OXER1: variants seen among roughly 807,000 people sequenced by gnomAD.
The protein encoded by OXER1 is 5-oxo-ETE G-protein coupled receptor.
For missense variants in OXER1, 587 were observed against 551.7 expected (o/e 1.06, Z -0.64); for synonymous variants, 258 against 245.8 (o/e 1.05, Z -0.47).
At position 42,763,586 on chromosome 2, in the gene OXER1, G is replaced by T. The variant is rs1186244807; in HGVS notation, c.594C>A (p.His198Gln). The stretch of plus-strand genomic sequence containing the variant: ...CCACGGAAGCACGGCTCAGCACGTG[G>T]TGGGGCTGCACCACCTTCAGGTAGC... Residue 198 changes from histidine to glutamine, a missense_variant, in exon 1 of 1, where the codon CAC becomes CAA. Physicochemically the swap from His to Gln is conservative, Grantham distance 24. Coordinates refer to ENST00000378661, the Ensembl canonical transcript of OXER1. The surrounding 1 kb of genome is among the most constrained non-coding windows in gnomAD (Gnocchi z 4.4). The T allele has an allele frequency of 8.1e-6, 13 of 1,600,390 alleles. No homozygotes were observed. The African/African-American group carries it at 1.2e-4, about 15-fold the overall frequency.
At chr2:42,764,112 C>T in exon 1 of OXER1, 1 of 1,614,084 alleles carries the variant, frequency 6.2e-7, no homozygotes. Context: ...TCTTCTACCC[C>T]TGCAGGAGTG....
At chr2:42,762,624 C>T in exon 1 of OXER1, 1 of 460,744 alleles carries the variant, frequency 2.2e-6, no homozygotes, top group East Asian at 3.6e-5. Context: ...TGCAGCTGCG[C>T]AGGCCCCTGT....
chr2:42,762,877 C>A, exon 1 of OXER1: 1 of 1,582,008 alleles, frequency 6.3e-7, no homozygotes, highest in Non-Finnish European at 8.6e-7. Flanking sequence ...CAGCCCTTAC[C>A]CCCACAGCGC....
At chr2:42,762,658 C>T in exon 1 of OXER1, 1 of 517,578 alleles carries the variant, frequency 1.9e-6, no homozygotes, top group South Asian at 2.8e-5. Flanking sequence ...CCAACGGCAC[C>T]TTGCCTGTCT....
chr2:42,763,323 C>A lies in OXER1; in HGVS notation c.857G>T (p.Gly286Val). The A allele has an allele frequency of 1.2e-6, 2 of 1,612,982 alleles. No homozygotes were observed. Among genetic ancestry groups the A allele is most frequent in the Non-Finnish European group, 1.7e-6 (2 of 1,179,848 alleles). The change falls in exon 1 of 1, where the codon GGG becomes GTG. Residue 286 changes from glycine (G) to valine (V), a missense_variant. By Grantham distance (109) the Gly-to-Val change is moderately radical. Coordinates refer to ENST00000378661, the Ensembl canonical transcript of OXER1. This position sits in a 1 kb window ranked among gnomAD's most constrained non-coding sequence, Gnocchi z 4.4. Reference sequence around the variant, plus strand: ...CATGGCCCTCTGCGGGCCTGCCTGCCCGCCCAGACCACGGTTCCGGATGGT... The same window carrying A: ...CATGGCCCTCTGCGGGCCTGCCTGCACGCCCAGACCACGGTTCCGGATGGT...
rs779690889 is a variant in OXER1 at position 42,763,018 on chromosome 2, G to A, written c.1162C>T (p.Pro388Ser). The change falls in exon 1 of 1, where the codon CCC (proline) becomes TCC (serine). Residue 388 changes from proline to serine, a missense_variant. Coordinates refer to ENST00000378661, the Ensembl canonical transcript of OXER1. The surrounding 1 kb of genome is among the most constrained non-coding windows in gnomAD (Gnocchi z 4.4). ...TCCCGGTAGCGCCACTGCCTGGAGG[G>A]TTGGTAGGAGCTCTCGTCGCTCACT... The A allele has an allele frequency of 1.9e-6, 3 of 1,614,064 alleles. No homozygotes were observed. In the South Asian group the frequency reaches 3.3e-5, roughly 18 times the overall value.
chr2:42,763,309 G>A, the OXER1 span: 2 of 1,612,990 alleles, frequency 1.2e-6, no homozygotes, highest in Non-Finnish European at 1.7e-6. This position sits in a 1 kb window ranked among gnomAD's most constrained non-coding sequence, Gnocchi z 4.4. Flanking sequence ...ATGGCCCTCT[G>A]CGGGCCTGCC....
Position 42,763,358 on chromosome 2 carries a change from G to A in OXER1, c.822C>T (p.Ser274=). ...CACGGTTCCGGATGGTGAGCCCAAT[G>A]CTCACAATAGCAAAGAGGATGAGCG... is the stretch of plus-strand genomic sequence containing the variant. The change falls in exon 1 of 1, where the codon AGC becomes AGT. Residue 274 remains serine (S), a synonymous_variant. Transcript: ENST00000378661. This position sits in a 1 kb window ranked among gnomAD's most constrained non-coding sequence, Gnocchi z 4.4. The A allele has an allele frequency of 6.2e-7, 1 of 1,611,336 alleles. No individual in the cohort carries two copies. Among genetic ancestry groups the A allele is most frequent in the South Asian group, 1.1e-5 (1 of 90,650 alleles).
chr2:42,763,804 A>G lies in OXER1; in HGVS notation c.376T>C (p.Ser126Pro). Residue 126 changes from serine to proline, a missense_variant, in exon 1 of 1, where the codon TCC becomes CCC. By Grantham distance (74) the Ser-to-Pro change is moderately conservative. Coordinates refer to ENST00000378661, the Ensembl canonical transcript of OXER1. The surrounding 1 kb of genome is among the most constrained non-coding windows in gnomAD (Gnocchi z 4.4). ...AGGCTGACCAGGAACACCGTGTTGG[A>G]GGTCCAGGGCCGCGTGTGGATGCAG... 4 of 1,613,990 alleles carry G rather than the reference A, an allele frequency of 2.5e-6. No homozygotes were observed. The Admixed American group carries it at 6.7e-5, about 27-fold the overall frequency.
exon 1 of OXER1, chr2:42,762,678 G>A (rs938246211): frequency 2.4e-5 from 13 of 531,844 alleles, no homozygotes; most frequent in East Asian, 9.3e-5. Context: ...TCCTCCACCC[G>A]GCATCCTGCT....
At position 42,763,416 on chromosome 2, in the gene OXER1, G is replaced by A. The variant is rs764334898; in HGVS notation, c.764C>T (p.Ala255Val). 3.8e-6 allele frequency: 6 copies of A among 1,591,162 alleles called. No homozygotes were observed. The South Asian group carries it at 6.8e-5, about 18-fold the overall frequency. Residue 255 changes from alanine (A) to valine (V), a missense_variant, in exon 1 of 1, where the codon GCA (alanine) becomes GTA (valine). By Grantham distance (64) the Ala-to-Val change is moderately conservative. Coordinates refer to ENST00000378661, the Ensembl canonical transcript of OXER1. The surrounding 1 kb of genome is among the most constrained non-coding windows in gnomAD (Gnocchi z 4.4). ...CAGGAAGAACTCCAGCAGGTACAGT[G>A]CCTGGTGCCAGCGGAGCGAGGCCGA...
At position 42,763,296 on chromosome 2, in the gene OXER1, C is replaced by T. The variant is rs144595200; in HGVS notation, c.884G>A (p.Arg295His). Residue 295 changes from arginine to histidine, a missense_variant, in exon 1 of 1, where the codon CGT becomes CAT. Arg to His is a conservative substitution (Grantham distance 29). Coordinates refer to ENST00000378661, the Ensembl canonical transcript of OXER1. The surrounding 1 kb of genome is among the most constrained non-coding windows in gnomAD (Gnocchi z 4.4). Reference sequence around the variant, plus strand: ...GACGGCCACCACCATGGCCAGCACACGCATGGCCCTCTGCGGGCCTGCCTG... The same window carrying T: ...GACGGCCACCACCATGGCCAGCACATGCATGGCCCTCTGCGGGCCTGCCTG... The T allele has an allele frequency of 2.6e-4, 423 of 1,613,030 alleles. 1 individual carries two copies. The highest frequency in any genetic ancestry group is 1.9e-4 in the South Asian group (17 of 90,946).
chr2:42,763,856 C>A lies in OXER1; in HGVS notation c.324G>T (p.Val108=). Residue 108 remains valine, a synonymous_variant, in exon 1 of 1, where the codon GTG becomes GTT. Coordinates refer to ENST00000378661, the Ensembl canonical transcript of OXER1. This position sits in a 1 kb window ranked among gnomAD's most constrained non-coding sequence, Gnocchi z 4.4. ...AGATGAAGAGGGCCAAACTGTTCCC[C>A]ACCAGGCCCAGGACAAACTCCAGGG... is the stretch of plus-strand genomic sequence containing the variant. The A allele has an allele frequency of 6.2e-7, 1 of 1,613,932 alleles. No homozygotes were observed. Among genetic ancestry groups the A allele is most frequent in the East Asian group, 2.2e-5 (1 of 44,870 alleles).
exon 1 of OXER1, chr2:42,762,722 C>T (rs1340020908): frequency 7.9e-6 from 5 of 635,314 alleles, no homozygotes; most frequent in Non-Finnish European, 1.3e-5. Context: ...ATCCTGGACA[C>T]ACTGAGAGGC....
chr2:42,763,407 A>C lies in OXER1; in HGVS notation c.773T>G (p.Leu258Arg), dbSNP rs759541319. 7 of 1,594,314 alleles carry C rather than the reference A, an allele frequency of 4.4e-6. No homozygotes were observed. In the Admixed American group the frequency reaches 1.2e-4, roughly 28 times the overall value. The change falls in exon 1 of 1, where the codon CTG (leucine) becomes CGG (arginine). Residue 258 changes from leucine to arginine, a missense_variant. By Grantham distance (102) the Leu-to-Arg change is moderately radical (BLOSUM62 -2). Transcript: ENST00000378661. The surrounding 1 kb of genome is among the most constrained non-coding windows in gnomAD (Gnocchi z 4.4). ...CGCCAGTGGCAGGAAGAACTCCAGC[A>C]GGTACAGTGCCTGGTGCCAGCGGAG...
chr2:42,762,754 C>T, exon 1 of OXER1: 1 of 839,452 alleles, frequency 1.2e-6, no homozygotes, highest in East Asian at 2.6e-5. Context: ...TCTCTCCCTG[C>T]CACCCACCTG....
rs778549352 is a variant in OXER1 at position 42,763,439 on chromosome 2, C to T, written c.741G>A (p.Ser247=). The T allele has an allele frequency of 8.9e-6, 14 of 1,571,320 alleles. No homozygotes were observed. In the East Asian group the frequency reaches 9.4e-5, roughly 11 times the overall value. The change falls in exon 1 of 1, where the codon TCG becomes TCA. Residue 247 remains serine (S), a synonymous_variant. Transcript: ENST00000378661. The surrounding 1 kb of genome is among the most constrained non-coding windows in gnomAD (Gnocchi z 4.4). ...GTGCCTGGTGCCAGCGGAGCGAGGC[C>T]GAGGGCTTCGTGCCCACCCTGTAGC...
rs1670524231 is a variant in OXER1, at chr2:42,763,292, C to T, written c.888G>A (p.Val296=). 1.2e-6 allele frequency: 2 copies of T among 1,613,064 alleles called. No individual in the cohort carries two copies. The highest frequency in any genetic ancestry group is 1.7e-6 in the Non-Finnish European group (2 of 1,179,794). Residue 296 remains valine (V), a synonymous_variant, in exon 1 of 1, where the codon GTG becomes GTA. Transcript: ENST00000378661. This position sits in a 1 kb window ranked among gnomAD's most constrained non-coding sequence, Gnocchi z 4.4. ...TGTAGACGGCCACCACCATGGCCAG[C>T]ACACGCATGGCCCTCTGCGGGCCTG...
At chr2:42,763,115 G>T in the OXER1 span, 1 of 1,614,222 alleles carries the variant, frequency 6.2e-7, no homozygotes, top group Non-Finnish European at 8.5e-7. The surrounding 1 kb of genome is among the most constrained non-coding windows in gnomAD (Gnocchi z 4.4). Flanking sequence ...TAGAGAAGCA[G>T]TAGAGCACGG....
Sources: gnomAD v4.1 joint callset for allele counts on GRCh38, gnomAD v4.1.1 for gene constraint, Gnocchi (gnomAD v3.1) non-coding constraint, MANE v1.5 for transcripts, NCBI Gene and HGNC (gene_info 2026-07-23, HGNC 2026-07-21) for gene names.